The following RIOK2 variants were observed in gnomAD, a reference collection of about 807,000 sequenced individuals.
RIOK2 encodes RIO kinase 2.
A neutral mutation model predicts 62.4 loss-of-function variants in RIOK2; 46 were observed. The ratio of observed to expected loss-of-function variants is 0.74; its 90% CI spans 0.58 to 0.94. The LOEUF (loss-of-function observed/expected upper bound fraction) is 0.94. Among genes scored for constraint, RIOK2 ranks in the 40% least tolerant of loss-of-function variants. The pLI, the probability that RIOK2 is intolerant of heterozygous loss-of-function variation, is 0.00. For missense variants in RIOK2, 574 were observed against 658.0 expected (o/e 0.87, Z 1.40); for synonymous variants, 197 against 216.0 (o/e 0.91, Z 0.77).
chr5:97,179,600 G>A (rs1016084207), intron 1 of RIOK2, among the ~76,000 whole-genome samples: 5 of 151,770 alleles, frequency 3.3e-5, no homozygotes, highest in African/African-American at 1.2e-4. Flanking sequence ...AAGAAAATGT[G>A]GCACATATAC....
rs1256255188 is a variant in RIOK2 at position 97,165,155 on chromosome 5, T to TA, written c.1398-9dup. On this transcript the variant is annotated splice_polypyrimidine_tract_variant and intron_variant, in intron 8 of 9. Coordinates refer to ENST00000283109, the MANE Select transcript of RIOK2 (RefSeq NM_018343.3). Reference sequence around the variant, plus strand: ...CCCACATTTTCTTCATCTCTAAAATTAAAAAACCCACAATTTATCTAGTTA... The same window carrying TA: ...CCCACATTTTCTTCATCTCTAAAATTAAAAAAACCCACAATTTATCTAGTTA... The TA allele has an allele frequency of 8.9e-6, 12 of 1,347,804 alleles. No homozygotes were observed. Among genetic ancestry groups the TA allele is most frequent in the Non-Finnish European group, 1.2e-5 (12 of 1,017,686 alleles). 83.5% of individuals were successfully genotyped at this position (1,347,804 alleles called of 1,614,324 possible).
chr5:97,183,068 C>T (rs1038735304), intron 1 of RIOK2, 58 bp downstream of exon 1: 8 of 1,578,000 alleles, frequency 5.1e-6, no homozygotes, highest in Non-Finnish European at 7.0e-6. Flanking sequence ...CTTGCAGGAA[C>T]AGGAAGAGGT....
At chr5:97,182,640 C>G (rs905368652) in intron 1 of RIOK2, among the ~76,000 whole-genome samples, 2 of 152,146 alleles carry the variant, frequency 1.3e-5, no homozygotes, top group African/African-American at 2.4e-5. Flanking sequence ...CTGTGTCTCT[C>G]TCTCCACTTG....
intron 9 of RIOK2, among the ~76,000 whole-genome samples, chr5:97,163,467 T>A (rs1397479625): frequency 6.6e-6 from 1 of 152,194 alleles, no homozygotes; most frequent in African/African-American, 2.4e-5. Flanking sequence ...CTAGTGTCCA[T>A]CATGAAAACT....
chr5:97,175,711 C>A (rs1309554771), intron 4 of RIOK2, among the ~76,000 whole-genome samples: 1 of 152,170 alleles, frequency 6.6e-6, no homozygotes, highest in African/African-American at 2.4e-5. Flanking sequence ...AAAGAACAAG[C>A]TGAATCCTCA....
In RIOK2 at chr5:97,167,826, C is replaced by T. The variant is rs748230025; in HGVS notation, c.1038G>A (p.Glu346=). ...CACTTTCATTTTCTGACCCGTAAAC[C>T]TCTGCTTTTTCTGCCACTTCTCCAT... ...FSDGEVAEKA[E]VYGSENESER... Residue 346 remains glutamate, a synonymous_variant, in exon 8 of 10, where the codon GAG becomes GAA. Transcript: ENST00000283109. 1 of 1,614,002 alleles carries T rather than the reference C, an allele frequency of 6.2e-7. No individual in the cohort carries two copies. Among genetic ancestry groups the T allele is most frequent in the Admixed American group, 1.7e-5 (1 of 60,006 alleles).
Position 97,162,939 on chromosome 5 carries a change from A to AT in RIOK2, c.*121dup. The stretch of plus-strand genomic sequence containing the variant: ...ACATACTGAATGACCAAATTTATAG[A>AT]TGAAAGAGGGTTTATTTATTAATAT... On this transcript the variant is annotated 3_prime_UTR_variant, in exon 10 of 10. Coordinates refer to ENST00000283109, the MANE Select transcript of RIOK2 (RefSeq NM_018343.3). 1 of 816,634 alleles carries AT rather than the reference A, an allele frequency of 1.2e-6. No homozygotes were observed. The highest frequency in any genetic ancestry group is 1.9e-6 in the Non-Finnish European group (1 of 540,380). 50.6% of individuals were successfully genotyped at this position (816,634 alleles called of 1,614,324 possible). A position where few individuals can be genotyped will look rare whatever the true frequency, so the allele number is the denominator to read the frequency against.
intron 5 of RIOK2, among the ~76,000 whole-genome samples, chr5:97,172,152 T>C (rs1178895338): frequency 1.3e-5 from 2 of 152,220 alleles, no homozygotes; most frequent in African/African-American, 4.8e-5. Context: ...TTATTTTCTC[T>C]TATTTAGACT....
intron 1 of RIOK2, among the ~76,000 whole-genome samples, chr5:97,180,619 G>A (rs1392685675): frequency 6.6e-6 from 1 of 152,128 alleles, no homozygotes; most frequent in Non-Finnish European, 1.5e-5. Context: ...CACGAACAGG[G>A]TTATTTTAAG....
At chr5:97,166,820 G>A in intron 8 of RIOK2, 1 of 983,206 alleles carries the variant, frequency 1.0e-6, no homozygotes, top group Non-Finnish European at 1.2e-6. Flanking sequence ...CACATCAGAT[G>A]TGTAATTAGG....
At position 97,179,095 on chromosome 5, in the gene RIOK2, T is replaced by C; in HGVS notation, c.165A>G (p.Glu55=). ...AAGCTATGAGTTTATGTTTCACTAA[T>C]TCTCTTAAAACTTTATTACAGCCAC... ...KHGGCNKVLR[E]LVKHKLIAWE... The change falls in exon 2 of 10, where the codon GAA becomes GAG. Residue 55 remains glutamate (E), a synonymous_variant. Transcript: ENST00000283109. 1 of 1,614,002 alleles carries C rather than the reference T, an allele frequency of 6.2e-7. No homozygotes were observed. The highest frequency in any genetic ancestry group is 1.7e-5 in the Admixed American group (1 of 60,030).
Position 97,177,829 on chromosome 5 carries a change from C to A in RIOK2, c.225G>T (p.Leu75Phe). 1.2e-6 allele frequency: 2 copies of A among 1,612,660 alleles called. No homozygotes were observed. Among genetic ancestry groups the A allele is most frequent in the South Asian group, 2.2e-5 (2 of 90,924 alleles). Residue 75 changes from leucine (L) to phenylalanine (F), a missense_variant, in exon 3 of 10, where the codon TTG becomes TTT. Transcript: ENST00000283109. ...CTAGGTAATCATATCCTGCATTTGTCAACCGATAGCCCTGGACAGCTAGAC... is the reference window on the plus strand; with the variant it reads ...CTAGGTAATCATATCCTGCATTTGTAAACCGATAGCCCTGGACAGCTAGAC... ...ERTKTVQGYR[L>F]TNAGYDYLAL...
intron 4 of RIOK2, among the ~76,000 whole-genome samples, chr5:97,176,407 T>C (rs1749163197): frequency 6.6e-6 from 1 of 152,200 alleles, no homozygotes; most frequent in Non-Finnish European, 1.5e-5. Context: ...AGTGGCACAA[T>C]CTTCACTCAC....
chr5:97,178,913 G>T, intron 2 of RIOK2, 142 bp downstream of exon 2: 1 of 896,130 alleles, frequency 1.1e-6, no homozygotes, highest in Non-Finnish European at 1.7e-6. Flanking sequence ...TTGACTAATA[G>T]GATATGGCCG....
At chr5:97,181,262 C>T (rs1367054767) in intron 1 of RIOK2, among the ~76,000 whole-genome samples, 2 of 136,558 alleles carry the variant, frequency 1.5e-5, no homozygotes, top group Non-Finnish European at 3.1e-5. Context: ...CAGAATAAGA[C>T]TCCGTCTCAA....
intron 4 of RIOK2, among the ~76,000 whole-genome samples, chr5:97,176,339 T>C (rs1016849149): frequency 1.3e-5 from 2 of 152,120 alleles, no homozygotes; most frequent in African/African-American, 2.4e-5. Flanking sequence ...AAACTAAAGA[T>C]TTTTACCATT....
chr5:97,176,374 C>T (rs1262662418), intron 4 of RIOK2, among the ~76,000 whole-genome samples: 1 of 152,168 alleles, frequency 6.6e-6, no homozygotes, highest in Non-Finnish European at 1.5e-5. Context: ...CAGAGTCTTG[C>T]TCTGTTGCCC....
intron 2 of RIOK2, among the ~76,000 whole-genome samples, chr5:97,178,262 G>A (rs1749224534): frequency 6.6e-6 from 1 of 152,088 alleles, no homozygotes; most frequent in Non-Finnish European, 1.5e-5. Context: ...AATGATCTAG[G>A]GTATGACTAC....
At chr5:97,170,839 C>T (rs1271678005) in intron 6 of RIOK2, among the ~76,000 whole-genome samples, 1 of 152,010 alleles carries the variant, frequency 6.6e-6, no homozygotes, top group African/African-American at 2.4e-5. Context: ...TAAACAAACA[C>T]ACCCACATCC....
Sources: allele counts gnomAD v4.1 joint callset (sites outside exome capture counted in the v4.1 genomes callset), GRCh38; gene constraint gnomAD v4.1.1; transcripts MANE v1.5; gene names NCBI Gene and HGNC (gene_info 2026-07-23, HGNC 2026-07-21).